The following FARSB variants were observed in gnomAD, a reference collection of about 807,000 sequenced individuals.
FARSB encodes phenylalanine--tRNA ligase beta subunit.
In FARSB, 40 loss-of-function variants were observed where a neutral mutation model predicts 69.6. The observed-to-expected ratio is 0.57, with a 90% CI of 0.45 to 0.75. FARSB has a LOEUF of 0.75. Ranked by LOEUF, FARSB falls within the 30% of genes least tolerant of loss-of-function variation. The pLI is 0.00. For missense variants in FARSB, 632 were observed against 722.9 expected (o/e 0.87, Z 1.44); for synonymous variants, 235 against 247.2 (o/e 0.95, Z 0.46).
At chr2:222,636,076 T>C (rs1691572264) in intron 5 of FARSB, among the ~76,000 whole-genome samples, 1 of 141,884 alleles carries the variant, frequency 7.0e-6, no homozygotes. Flanking sequence ...TGAGACTCTG[T>C]CTCAAAAAAA....
intron 4 of FARSB, among the ~76,000 whole-genome samples, chr2:222,640,192 T>C (rs1691683779): frequency 6.6e-6 from 1 of 152,222 alleles, no homozygotes; most frequent in African/African-American, 2.4e-5. Flanking sequence ...TCACATTTTT[T>C]AGAAGGGTAA....
At position 222,567,399 on chromosome 2, in the gene FARSB, A is replaced by G. The variant is rs982171429; in HGVS notation, c.*4472T>C. 6.6e-6 allele frequency: 1 copy of G among 152,254 alleles called. No homozygotes were observed. The highest frequency in any genetic ancestry group is 2.4e-5 in the African/African-American group (1 of 41,472). The allele number at this position is 152,254 out of a possible 1,614,324, so 9.4% of individuals were successfully genotyped here. ...CTGTTTGCTTTTGGATAAAATGGACAGAAGGGCCAAAGTAAATACTCAAGT... is the reference window on the plus strand; with the variant it reads ...CTGTTTGCTTTTGGATAAAATGGACGGAAGGGCCAAAGTAAATACTCAAGT... On this transcript the variant is annotated 3_prime_UTR_variant, in exon 17 of 17. Transcript: ENST00000281828.
In FARSB at chr2:222,622,198, A is replaced by G. The variant is rs528850713; in HGVS notation, c.1251+1452T>C. On this transcript the variant is annotated intron_variant, in intron 13 of 16. Transcript: ENST00000281828. ...GGCACAGGGTAAACATTCCCTGCAG[A>G]GCAGCCACTAGTCAAGACTCGGCCT... 8.5e-5 allele frequency among the ~76,000 whole-genome samples: 13 copies of G among 152,356 alleles called. No individual in the cohort carries two copies. The South Asian group carries it at 1.4e-3, about 17-fold the overall frequency.
At chr2:222,574,442 T>A (rs1184740598) in intron 16 of FARSB, among the ~76,000 whole-genome samples, 1 of 152,280 alleles carries the variant, frequency 6.6e-6, no homozygotes, top group African/African-American at 2.4e-5. Flanking sequence ...CATAGACCCA[T>A]CCAGGCCACT....
At chr2:222,596,725 C>T (rs1274255431) in intron 16 of FARSB, among the ~76,000 whole-genome samples, 7 of 152,040 alleles carry the variant, frequency 4.6e-5, no homozygotes, top group Admixed American at 4.6e-4. Flanking sequence ...TAACAAAATT[C>T]CTGTGTTTAC....
At chr2:222,594,121 A>AATT (rs1228134895) in intron 16 of FARSB, among the ~76,000 whole-genome samples, 1 of 140,062 alleles carries the variant, frequency 7.1e-6, no homozygotes, top group Non-Finnish European at 1.6e-5. Context: ...AAAAAAAAAG[A>AATT]GCTGAGCATG....
intron 15 of FARSB, among the ~76,000 whole-genome samples, chr2:222,602,575 T>A (rs1054530549): frequency 3.7e-5 from 5 of 135,860 alleles, no homozygotes; most frequent in African/African-American, 1.6e-4. Flanking sequence ...GTGGCTTTTC[T>A]TTTTTTTTTT....
intron 16 of FARSB, among the ~76,000 whole-genome samples, chr2:222,575,036 A>AG (rs2106174392): frequency 6.6e-6 from 1 of 152,372 alleles, no homozygotes; most frequent in South Asian, 2.1e-4. Context: ...GAATTGCTTC[A>AG]AAGGATAGAA....
At chr2:222,647,883 C>T (rs909325486) in intron 2 of FARSB, among the ~76,000 whole-genome samples, 1 of 152,166 alleles carries the variant, frequency 6.6e-6, no homozygotes, top group African/African-American at 2.4e-5. Flanking sequence ...GGTAAAACCT[C>T]GTCTCTCCTT....
At chr2:222,637,531 C>T (rs945401679) in intron 5 of FARSB, among the ~76,000 whole-genome samples, 4 of 152,150 alleles carry the variant, frequency 2.6e-5, no homozygotes, top group Non-Finnish European at 5.9e-5. Context: ...AAACAGTGCT[C>T]CATGCTCACA....
chr2:222,637,011 TAATA>T (rs1222995426), intron 5 of FARSB, among the ~76,000 whole-genome samples: 1 of 152,076 alleles, frequency 6.6e-6, no homozygotes, highest in African/African-American at 2.4e-5. Context: ...AACATACACA[TAATA>T]AATAGACGAG....
At position 222,577,359 on chromosome 2, in the gene FARSB, G is replaced by A. The variant is rs1032370388; in HGVS notation, c.1619-5337C>T. Reference sequence around the variant, plus strand: ...GGGGACCTAATCCCTTGAGTTTAATGACCATCTTTCATCCCTTTCTGAAGA... The same window carrying A: ...GGGGACCTAATCCCTTGAGTTTAATAACCATCTTTCATCCCTTTCTGAAGA... On this transcript the variant is annotated intron_variant, in intron 16 of 16. Coordinates refer to ENST00000281828, the MANE Select transcript of FARSB (RefSeq NM_005687.5). 9.9e-5 allele frequency among the ~76,000 whole-genome samples: 15 copies of A among 152,244 alleles called. No homozygotes were observed. The East Asian group carries it at 2.9e-3, about 29-fold the overall frequency.
chr2:222,652,675 C>A (rs141427389), intron 1 of FARSB, among the ~76,000 whole-genome samples: 33 of 152,332 alleles, frequency 2.2e-4, no homozygotes, highest in African/African-American at 7.2e-4. Flanking sequence ...AAAGCAGTTT[C>A]TCCAGACCCA....
chr2:222,643,951 A>C (rs1403871005), intron 2 of FARSB, among the ~76,000 whole-genome samples: 4 of 152,250 alleles, frequency 2.6e-5, no homozygotes, highest in Non-Finnish European at 4.4e-5. Flanking sequence ...TATATTTAAG[A>C]AATTTTCACT....
chr2:222,629,197 G>A (rs1574942891), intron 9 of FARSB, among the ~76,000 whole-genome samples: 1 of 151,966 alleles, frequency 6.6e-6, no homozygotes, highest in African/African-American at 2.4e-5. Context: ...CTTTACCAGG[G>A]CAGTGTGTTA....
In FARSB at chr2:222,647,523, C is replaced by T. The variant is rs184896509; in HGVS notation, c.114+1217G>A. Among the ~76,000 whole-genome samples the T allele has an allele frequency of 4.2e-3, 642 of 152,286 alleles. 2 individuals are homozygous for T. The highest frequency in any genetic ancestry group is 7.7e-3 in the Non-Finnish European group (527 of 68,032). ...AGCTCCTTAGCTTCAGACTTCACAG[C>T]CTGCAGCCTATTGCATATTAGAACT... On this transcript the variant is annotated intron_variant, in intron 2 of 16. Transcript: ENST00000281828.
At chr2:222,572,104 T>C (rs903298628) in intron 16 of FARSB, 82 bp from the exon 17 acceptor site, 11 of 1,184,648 alleles carry the variant, frequency 9.3e-6, no homozygotes, top group Middle Eastern at 2.7e-4. Flanking sequence ...AGCCCACTAG[T>C]CTACTTTAAA....
At chr2:222,618,587 T>A (rs149126816) in intron 14 of FARSB, among the ~76,000 whole-genome samples, 2 of 152,182 alleles carry the variant, frequency 1.3e-5, no homozygotes, top group African/African-American at 4.8e-5. Flanking sequence ...TAAGCAAAGA[T>A]GTTATAATCT....
intron 15 of FARSB, among the ~76,000 whole-genome samples, chr2:222,610,572 A>G (rs1690822670): frequency 6.6e-6 from 1 of 152,222 alleles, no homozygotes; most frequent in Admixed American, 6.5e-5. Context: ...TAGGATAAGA[A>G]TTGGCCCCAA....
Sources: allele counts gnomAD v4.1 joint callset (sites outside exome capture counted in the v4.1 genomes callset), GRCh38; gene constraint gnomAD v4.1.1; transcripts MANE v1.5; gene names NCBI Gene and HGNC (gene_info 2026-07-23, HGNC 2026-07-21).